CATSPERB: variants seen among roughly 807,000 people sequenced by gnomAD.
The protein encoded by CATSPERB is catsper channel auxiliary subunit beta.
Under a neutral mutation model 128.3 loss-of-function variants are expected in CATSPERB, and 93 were observed. The observed-to-expected ratio is 0.72, with a 90% confidence interval of 0.61 to 0.86. The LOEUF is 0.86. Ranked by LOEUF, CATSPERB falls within the 40% of genes least tolerant of loss-of-function variation. CATSPERB has a pLI of 0.00. For missense variants in CATSPERB, 1,153 were observed against 1,329.5 expected (o/e 0.87, Z 2.06); for synonymous variants, 381 against 448.8 (o/e 0.85, Z 1.91).
intron 11 of CATSPERB, among the ~76,000 whole-genome samples, chr14:91,681,720 G>C (rs893378677): frequency 2.0e-5 from 3 of 152,110 alleles, no homozygotes; most frequent in Admixed American, 6.6e-5. Context: ...CTGCTAAAAA[G>C]TCTTGGAAAA....
intron 20 of CATSPERB, among the ~76,000 whole-genome samples, 181 bp downstream of exon 20, chr14:91,617,416 T>C (rs1258500772): frequency 6.6e-6 from 1 of 152,206 alleles, no homozygotes; most frequent in Non-Finnish European, 1.5e-5. Context: ...AGGACATAGA[T>C]CTATTTTTAT....
intron 10 of CATSPERB, among the ~76,000 whole-genome samples, chr14:91,686,933 C>CA (rs1308341600): frequency 3.3e-5 from 5 of 151,738 alleles, no homozygotes; most frequent in African/African-American, 4.8e-5. Flanking sequence ...AAAAAAGAAA[C>CA]AAAAAACAAA....
chr14:91,658,433 G>C (rs187757274), intron 15 of CATSPERB, among the ~76,000 whole-genome samples: 3 of 151,318 alleles, frequency 2.0e-5, no homozygotes, highest in Admixed American at 2.0e-4. Flanking sequence ...ATGGTTAATG[G>C]GTACAAAAAT....
In CATSPERB at chr14:91,586,202, C is replaced by T. The variant is rs567320665; in HGVS notation, c.3132+1000G>A. 8.5e-5 allele frequency among the ~76,000 whole-genome samples: 13 copies of T among 152,322 alleles called. No individual in the cohort carries two copies. The South Asian group carries it at 2.7e-3, about 32-fold the overall frequency. ...AGGACTCCCTTTCTCCAGCCCTCTTCTCATAGAGATGTCCCCCCATGCTTT... is the reference window on the plus strand; with the variant it reads ...AGGACTCCCTTTCTCCAGCCCTCTTTTCATAGAGATGTCCCCCCATGCTTT... On this transcript the variant is annotated intron_variant, in intron 26 of 26. Coordinates refer to ENST00000256343, the MANE Select transcript of CATSPERB (RefSeq NM_024764.4).
In CATSPERB at chr14:91,708,162, T is replaced by C. The variant is rs1895767868; in HGVS notation, c.445A>G (p.Thr149Ala). 1 of 1,609,490 alleles carries C rather than the reference T, an allele frequency of 6.2e-7. No homozygotes were observed. The highest frequency in any genetic ancestry group is 2.2e-5 in the East Asian group (1 of 44,714). Reference sequence around the variant, plus strand: ...TTACCTCGAATAACATCCAATAGAGTTCCTTCAGTAGCATAAATATTTAGT... The same window carrying C: ...TTACCTCGAATAACATCCAATAGAGCTCCTTCAGTAGCATAAATATTTAGT... ...HGLNIYATEG[T>A]LLDVIREPIL... The change falls in exon 6 of 27, where the codon ACT (threonine) becomes GCT (alanine). Residue 149 changes from threonine (T) to alanine (A), a missense_variant. Physicochemically the swap from Thr to Ala is moderately conservative, Grantham distance 58 (BLOSUM62 0). Coordinates refer to ENST00000256343, the MANE Select transcript of CATSPERB (RefSeq NM_024764.4).
intron 7 of CATSPERB, among the ~76,000 whole-genome samples, chr14:91,699,819 C>T (rs1332461996): frequency 1.3e-5 from 2 of 152,144 alleles, no homozygotes; most frequent in Non-Finnish European, 1.5e-5. Context: ...GTGATTTGCC[C>T]ACCTCAGCCT....
chr14:91,720,858 T>A (rs562015538), intron 4 of CATSPERB, among the ~76,000 whole-genome samples: 1 of 152,274 alleles, frequency 6.6e-6, no homozygotes, highest in South Asian at 2.1e-4. Flanking sequence ...CAAGACAATA[T>A]GATATTAGCA....
chr14:91,583,663 TA>T (rs1189240881), intron 26 of CATSPERB, among the ~76,000 whole-genome samples: 6 of 152,354 alleles, frequency 3.9e-5, no homozygotes, highest in African/African-American at 1.4e-4. Flanking sequence ...TATTTACTCC[TA>T]AAATACTTTA....
At chr14:91,603,711 G>C (rs61991993) in intron 22 of CATSPERB, among the ~76,000 whole-genome samples, 16,648 of 152,222 alleles carry the variant, frequency 0.11, 1,214 homozygotes, top group Non-Finnish European at 0.17. Context: ...GGCAGGAAGA[G>C]AGGGAGGAGG....
At chr14:91,678,209 G>A (rs187130927) in intron 11 of CATSPERB, among the ~76,000 whole-genome samples, 99 of 152,280 alleles carry the variant, frequency 6.5e-4, no homozygotes, top group African/African-American at 2.2e-3. Context: ...GAGCCTACAC[G>A]TTCTGCACTT....
intron 16 of CATSPERB, 99 bp downstream of exon 16, chr14:91,638,997 C>G (rs1366717051): frequency 9.1e-7 from 1 of 1,095,314 alleles, no homozygotes; most frequent in East Asian, 2.4e-5. Flanking sequence ...TGAGTTTGTC[C>G]CAAGGAAAAT....
intron 15 of CATSPERB, among the ~76,000 whole-genome samples, chr14:91,649,595 C>T (rs1286126902): frequency 2.0e-5 from 3 of 151,098 alleles, no homozygotes; most frequent in Non-Finnish European, 4.4e-5. Flanking sequence ...CTCCTGGGTT[C>T]AAGCGATTCT....
chr14:91,629,355 C>T (rs530479212), intron 17 of CATSPERB, among the ~76,000 whole-genome samples: 53 of 152,174 alleles, frequency 3.5e-4, no homozygotes, highest in African/African-American at 1.3e-3. Flanking sequence ...CGGTGGTTGC[C>T]AGGGGTGAGG....
Position 91,621,807 on chromosome 14 carries a change from T to C in CATSPERB, c.2061A>G (p.Ala687=). The C allele has an allele frequency of 3.1e-6, 5 of 1,614,216 alleles. No individual in the cohort carries two copies. The highest frequency in any genetic ancestry group is 4.2e-6 in the Non-Finnish European group (5 of 1,180,022). The change falls in exon 19 of 27, where the codon GCA becomes GCG. Residue 687 remains alanine (A), a synonymous_variant. Coordinates refer to ENST00000256343, the MANE Select transcript of CATSPERB (RefSeq NM_024764.4). ...ALAIATMPES[A]PNNMTFLKST... is the part of the protein sequence containing the mutation. The stretch of plus-strand genomic sequence containing the variant: ...TCTTTAGAAAGGTCATATTGTTGGG[T>C]GCACTTTCAGGCATGGTAGCAATGG...
intron 23 of CATSPERB, among the ~76,000 whole-genome samples, chr14:91,590,976 C>G (rs1893389010): frequency 6.6e-6 from 1 of 151,634 alleles, no homozygotes; most frequent in Non-Finnish European, 1.5e-5. Flanking sequence ...TATGTATAGT[C>G]TGTGTAATAA....
intron 14 of CATSPERB, among the ~76,000 whole-genome samples, chr14:91,663,018 T>A (rs1894912230): frequency 6.6e-6 from 1 of 152,176 alleles, no homozygotes; most frequent in Non-Finnish European, 1.5e-5. Flanking sequence ...TAGTATATCC[T>A]TCATGAAAAA....
intron 7 of CATSPERB, among the ~76,000 whole-genome samples, chr14:91,694,686 T>C (rs1016575755): frequency 6.6e-5 from 10 of 152,164 alleles, no homozygotes; most frequent in African/African-American, 2.2e-4. Flanking sequence ...TTATTTGTGA[T>C]TTTAAAAACA....
At chr14:91,686,939 A>G (rs1005765110) in intron 10 of CATSPERB, among the ~76,000 whole-genome samples, 16 of 152,186 alleles carry the variant, frequency 1.1e-4, no homozygotes, top group African/African-American at 3.9e-4. Flanking sequence ...GAAACAAAAA[A>G]CAAAAGAAAA....
At chr14:91,681,029 G>C (rs1895271844) in intron 11 of CATSPERB, among the ~76,000 whole-genome samples, 1 of 152,150 alleles carries the variant, frequency 6.6e-6, no homozygotes, top group African/African-American at 2.4e-5. Flanking sequence ...GCCCATGCCA[G>C]AAAACGATTA....
Sources: allele counts gnomAD v4.1 joint callset (sites outside exome capture counted in the v4.1 genomes callset), GRCh38; gene constraint gnomAD v4.1.1; transcripts MANE v1.5; gene names NCBI Gene and HGNC (gene_info 2026-07-23, HGNC 2026-07-21).